TXNRD1: variants seen among roughly 807,000 people sequenced by gnomAD.
TXNRD1 encodes thioredoxin reductase 1, cytoplasmic.
TXNRD1 carries 57 observed loss-of-function variants against 80.3 expected under a neutral mutation model. That is an observed-to-expected ratio of 0.71 (90% confidence interval 0.57 to 0.89). The LOEUF is 0.89. Ranked by LOEUF, TXNRD1 falls within the 40% of genes least tolerant of loss-of-function variation. The pLI is 0.00. For synonymous variants in TXNRD1, 291 were observed against 285.2 expected (o/e 1.02, Z -0.20); for missense variants, 730 against 803.0 (o/e 0.91, Z 1.10).
At chr12:104,217,989 C>T (rs1363832596) in intron 1 of TXNRD1, among the ~76,000 whole-genome samples, 1 of 151,894 alleles carries the variant, frequency 6.6e-6, no homozygotes, top group African/African-American at 2.4e-5. Flanking sequence ...CATATATACA[C>T]ACACACACAC....
intron 1 of TXNRD1, among the ~76,000 whole-genome samples, chr12:104,223,250 T>A (rs1440814567): frequency 1.3e-5 from 2 of 152,210 alleles, no homozygotes; most frequent in Non-Finnish European, 2.9e-5. Context: ...TTTAAACTTT[T>A]AAAAATGTTT....
At chr12:104,275,770 T>G (rs941300174) in intron 3 of TXNRD1, among the ~76,000 whole-genome samples, 3 of 152,104 alleles carry the variant, frequency 2.0e-5, no homozygotes, top group African/African-American at 7.2e-5. Context: ...AAATCCAAAC[T>G]TCTAACCACA....
intron 1 of TXNRD1, among the ~76,000 whole-genome samples, chr12:104,226,396 A>G (rs974063010): frequency 1.3e-5 from 2 of 152,142 alleles, no homozygotes; most frequent in African/African-American, 4.8e-5. Context: ...CTTCATTTCC[A>G]TAAGTTCAGT....
At chr12:104,321,814 C>T (rs2035541342) in intron 10 of TXNRD1, among the ~76,000 whole-genome samples, 1 of 152,112 alleles carries the variant, frequency 6.6e-6, no homozygotes, top group Admixed American at 6.6e-5. Flanking sequence ...CTCTTTTAAT[C>T]TTTTGAAAGG....
Position 104,315,761 on chromosome 12 carries a change from C to A in TXNRD1, c.611-16C>A. ...TGGAAAGCAGGTTATAAACTGATTT[C>A]TCAATGTTGTTGTAGGTCTCGGAGG... is the stretch of plus-strand genomic sequence containing the variant. On this transcript the variant is annotated splice_polypyrimidine_tract_variant and intron_variant, in intron 6 of 16. Transcript: ENST00000525566. The A allele has an allele frequency of 4.4e-6, 7 of 1,606,830 alleles. No homozygotes were observed. Among genetic ancestry groups the A allele is most frequent in the Non-Finnish European group, 6.0e-6 (7 of 1,175,812 alleles).
Position 104,339,134 on chromosome 12 carries a change from C to G in TXNRD1, c.1747-5C>G, listed in dbSNP as rs1215773985. On this transcript the variant is annotated splice_polypyrimidine_tract_variant and splice_region_variant and intron_variant, in intron 15 of 16. Coordinates refer to ENST00000525566, the MANE Select transcript of TXNRD1 (RefSeq NM_001093771.3). Reference sequence around the variant, plus strand: ...ATTGCATTATTGTATTTTTTTTTGCCTTAGGAACGTGTTGTGGGCTTTCAC... The same window carrying G: ...ATTGCATTATTGTATTTTTTTTTGCGTTAGGAACGTGTTGTGGGCTTTCAC... 3 of 1,606,306 alleles carry G rather than the reference C, an allele frequency of 1.9e-6. No homozygotes were observed. The African/African-American group carries it at 4.1e-5, about 22-fold the overall frequency.
Position 104,244,928 on chromosome 12 carries a change from A to G in TXNRD1, c.92-6599A>G, listed in dbSNP as rs557481863. On this transcript the variant is annotated intron_variant, in intron 1 of 16. Transcript: ENST00000525566. ...TGGCAAGGTATAACTTTGTCCCTGT[A>G]TCTAGAAAGGTTATGGACATGTTCA... 1.3e-5 allele frequency among the ~76,000 whole-genome samples: 2 copies of G among 152,330 alleles called. 1 individual carries two copies. Among genetic ancestry groups the G allele is most frequent in the South Asian group, 4.1e-4 (2 of 4,830 alleles).
At chr12:104,263,179 TG>T (rs1487801635) in intron 3 of TXNRD1, among the ~76,000 whole-genome samples, 5 of 152,334 alleles carry the variant, frequency 3.3e-5, no homozygotes, top group Non-Finnish European at 7.3e-5. Context: ...GGCTCATGCA[TG>T]TTCTCCTATT....
chr12:104,251,392 C>G (rs2033114358), intron 1 of TXNRD1, 135 bp from the exon 2 acceptor site: 1 of 827,332 alleles, frequency 1.2e-6, no homozygotes, highest in African/African-American at 1.7e-5. Context: ...TCATTAGAGT[C>G]CTTCCTTCCT....
At position 104,218,067 on chromosome 12, in the gene TXNRD1, C is replaced by T. The variant is rs541869081; in HGVS notation, c.91+2174C>T. Among the ~76,000 whole-genome samples the T allele has an allele frequency of 3.5e-4, 53 of 151,796 alleles. 1 individual carries two copies. The highest frequency in any genetic ancestry group is 1.1e-3 in the African/African-American group (46 of 41,392). Reference sequence around the variant, plus strand: ...TTCCCGAGATGGAGTCTTGCTCTATCGCCAGGCTGGAGTGCCGTGGCATGA... The same window carrying T: ...TTCCCGAGATGGAGTCTTGCTCTATTGCCAGGCTGGAGTGCCGTGGCATGA... On this transcript the variant is annotated intron_variant, in intron 1 of 16. Transcript: ENST00000525566.
chr12:104,248,674 T>C (rs756663887), intron 1 of TXNRD1, among the ~76,000 whole-genome samples: 2 of 152,168 alleles, frequency 1.3e-5, no homozygotes, highest in Non-Finnish European at 2.9e-5. Flanking sequence ...GAAGTCTTGG[T>C]TATTCAGATG....
intron 3 of TXNRD1, chr12:104,287,409 T>C (rs2034009805): frequency 9.9e-6 from 16 of 1,613,844 alleles, no homozygotes; most frequent in Non-Finnish European, 1.4e-5. Context: ...TAGAGACAGT[T>C]TGCAGAACAG....
intron 16 of TXNRD1, among the ~76,000 whole-genome samples, chr12:104,340,129 ATCC>A (rs2036273777): frequency 6.6e-6 from 1 of 152,216 alleles, no homozygotes; most frequent in South Asian, 2.1e-4. Context: ...GTGATCGAGA[ATCC>A]TCCTCTATTA....
intron 10 of TXNRD1, among the ~76,000 whole-genome samples, chr12:104,322,325 T>A (rs572403169): frequency 2.0e-4 from 30 of 151,868 alleles, no homozygotes; most frequent in Non-Finnish European, 3.5e-4. Context: ...GGCACAAATT[T>A]CCTGGAAGCT....
At chr12:104,234,511 T>G (rs1593690099) in intron 1 of TXNRD1, among the ~76,000 whole-genome samples, 1 of 151,774 alleles carries the variant, frequency 6.6e-6, no homozygotes, top group Non-Finnish European at 1.5e-5. Context: ...GCCAGGCTGG[T>G]CTTGAACTCC....
At chr12:104,254,657 A>T (rs2033211806) in intron 2 of TXNRD1, among the ~76,000 whole-genome samples, 1 of 125,930 alleles carries the variant, frequency 7.9e-6, no homozygotes, top group Non-Finnish European at 1.6e-5. Flanking sequence ...ATATATATAT[A>T]TATATATATC....
chr12:104,287,371 C>T, intron 3 of TXNRD1: 1 of 1,614,022 alleles, frequency 6.2e-7, no homozygotes, highest in African/African-American at 1.3e-5. Flanking sequence ...CGCCTGTAGG[C>T]TGGCGGTTTC....
intron 4 of TXNRD1, among the ~76,000 whole-genome samples, chr12:104,301,802 C>T (rs4411337): frequency 0.33 from 50,056 of 152,116 alleles, 8,430 homozygotes; most frequent in African/African-American, 0.38. Context: ...GGGACAGATA[C>T]GATCCTTGAA....
chr12:104,287,495 T>TAA, intron 3 of TXNRD1: 1 of 1,605,992 alleles, frequency 6.2e-7, no homozygotes, highest in Non-Finnish European at 8.5e-7. Context: ...TTGAGTGGAC[T>TAA]GACAGATCCT....
Sources: allele counts gnomAD v4.1 joint callset (sites outside exome capture counted in the v4.1 genomes callset), GRCh38; gene constraint gnomAD v4.1.1; transcripts MANE v1.5; gene names NCBI Gene and HGNC (gene_info 2026-07-23, HGNC 2026-07-21).